Variants in KIF4A observed in about 807,000 individuals in gnomAD.
The protein encoded by KIF4A is kinesin family member 4A, also known as chromosome-associated kinesin KIF4A.
A neutral mutation model predicts 105.9 loss-of-function variants in KIF4A; 7 were observed. That is an observed-to-expected ratio of 0.07 (90% confidence interval 0.04 to 0.12). The LOEUF (loss-of-function observed/expected upper bound fraction) is 0.12, where lower values mean the gene tolerates loss of function less well. Among genes scored for constraint, KIF4A ranks in the 10% least tolerant of loss-of-function variants. KIF4A has a pLI of 1.00. For synonymous variants in KIF4A, 281 were observed against 331.3 expected (o/e 0.85, Z 1.65); for missense variants, 558 against 929.2 (o/e 0.60, Z 5.19).
Position 70,359,478 on chromosome X carries a change from C to T in KIF4A, c.1674+5671C>T, listed in dbSNP as rs781174651. Among the ~76,000 whole-genome samples, 5 of 104,516 alleles carry T rather than the reference C, an allele frequency of 4.8e-5. No homozygotes were observed. In the South Asian group the frequency reaches 1.3e-3, roughly 28 times the overall value. 90.8% of individuals were successfully genotyped at this position (104,516 alleles called of 115,157 possible). On this transcript the variant is annotated intron_variant, in intron 15 of 30. Coordinates refer to ENST00000374403, the MANE Select transcript of KIF4A (RefSeq NM_012310.5). ...CTCTTTCTTTCTTTCTTTCTTTAAC[C>T]GGAGAGGGGTATATTTATTTTCTCA...
chrX:70,362,342 C>T (rs2086079629), intron 15 of KIF4A: 2 of 293,409 alleles, frequency 6.8e-6, no homozygotes, highest in Admixed American at 6.7e-5. Context: ...GAGGGTAATT[C>T]TCCTTGGTGA....
At chrX:70,413,742 A>C (rs1376270374) in intron 28 of KIF4A, among the ~76,000 whole-genome samples, 1 of 110,917 alleles carries the variant, frequency 9.0e-6, no homozygotes, top group Non-Finnish European at 1.9e-5. Context: ...GGAGTTAAAG[A>C]CCAGGCTGGG....
chrX:70,362,363 G>A (rs2086079706), intron 15 of KIF4A: 2 of 267,309 alleles, frequency 7.5e-6, no homozygotes, highest in Non-Finnish European at 1.4e-5. Context: ...TCACCGGGAT[G>A]CATATCACCA....
chrX:70,397,247 G>A (rs1231136834), intron 22 of KIF4A, among the ~76,000 whole-genome samples: 36 of 110,715 alleles, frequency 3.3e-4, no homozygotes, highest in African/African-American at 1.1e-3. Context: ...GCACGCGCCT[G>A]TAGTCCCAGC....
At chrX:70,379,230 G>A (rs745387203) in intron 18 of KIF4A, among the ~76,000 whole-genome samples, 5 of 110,977 alleles carry the variant, frequency 4.5e-5, no homozygotes, top group African/African-American at 1.6e-4. Flanking sequence ...AGGAATGAAA[G>A]AGGGAATATC....
chrX:70,388,306 G>A (rs2086225492), intron 20 of KIF4A, among the ~76,000 whole-genome samples: 1 of 111,489 alleles, frequency 9.0e-6, no homozygotes, highest in Non-Finnish European at 1.9e-5. Flanking sequence ...TCTGTTGATG[G>A]ATACTTGAGT....
At chrX:70,294,684 A>G (rs1160295187) in intron 3 of KIF4A, among the ~76,000 whole-genome samples, 1 of 112,958 alleles carries the variant, frequency 8.9e-6, no homozygotes, top group Non-Finnish European at 1.9e-5. Flanking sequence ...AAGTAAGAAT[A>G]ACCTGTCTAT....
At chrX:70,352,527 A>G in intron 13 of KIF4A, 73 bp from the exon 14 acceptor site, 9 of 782,448 alleles carry the variant, frequency 1.2e-5, no homozygotes, top group East Asian at 3.2e-5. Context: ...AAAAAATTAA[A>G]TAACCAATAT....
chrX:70,370,469 G>T (rs1602780646), intron 15 of KIF4A, among the ~76,000 whole-genome samples: 1 of 106,256 alleles, frequency 9.4e-6, no homozygotes, highest in African/African-American at 3.4e-5. Flanking sequence ...GATAAATATA[G>T]AATATATGTA....
chrX:70,351,519 A>G (rs1366949283), intron 13 of KIF4A, among the ~76,000 whole-genome samples: 1 of 111,238 alleles, frequency 9.0e-6, no homozygotes, highest in Non-Finnish European at 1.9e-5. Flanking sequence ...GACTATTACT[A>G]TTCCAGTAGT....
At chrX:70,418,967 C>T (rs1305640846) in intron 29 of KIF4A, among the ~76,000 whole-genome samples, 1 of 110,752 alleles carries the variant, frequency 9.0e-6, no homozygotes, top group African/African-American at 3.3e-5. Flanking sequence ...TGCCTATAGT[C>T]CCAGCTACTC....
At chrX:70,402,469 C>G in intron 22 of KIF4A, 97 bp from the exon 23 acceptor site, 1 of 975,665 alleles carries the variant, frequency 1.0e-6, no homozygotes, top group Non-Finnish European at 1.4e-6. Flanking sequence ...ACTGATAGCT[C>G]CATCCATAAA....
intron 11 of KIF4A, among the ~76,000 whole-genome samples, chrX:70,342,737 G>A (rs191015925): frequency 9.8e-5 from 11 of 112,330 alleles, no homozygotes; most frequent in African/African-American, 3.6e-4. Flanking sequence ...AACGGAGGGT[G>A]AAAATGGGAT....
intron 28 of KIF4A, among the ~76,000 whole-genome samples, chrX:70,414,182 C>A (rs2086334077): frequency 9.0e-6 from 1 of 111,344 alleles, no homozygotes; most frequent in Non-Finnish European, 1.9e-5. Context: ...GACATTATCC[C>A]CATGAGGAAA....
intron 22 of KIF4A, among the ~76,000 whole-genome samples, chrX:70,400,970 T>C (rs1042994378): frequency 5.5e-5 from 6 of 109,022 alleles, no homozygotes; most frequent in African/African-American, 2.0e-4. Flanking sequence ...GGTTTCACCA[T>C]GTTGGCCAGG....
At chrX:70,316,327 T>C (rs1237495185) in intron 7 of KIF4A, among the ~76,000 whole-genome samples, 2 of 111,272 alleles carry the variant, frequency 1.8e-5, no homozygotes, top group Non-Finnish European at 3.8e-5. Context: ...TATTCCTGAT[T>C]AAATTACCTA....
At chrX:70,373,443 G>A (rs1281922427) in intron 15 of KIF4A, among the ~76,000 whole-genome samples, 2 of 86,989 alleles carry the variant, frequency 2.3e-5, no homozygotes, top group African/African-American at 4.0e-5. Context: ...TAGCACTTTG[G>A]GAGGCAGAGG....
At position 70,335,005 on chromosome X, in the gene KIF4A, A is replaced by G. The variant is rs539164344; in HGVS notation, c.1133+1316A>G. ...CATGGAGGTTCCTAAAAAAATTAAA[A>G]CTAGACTTACCATATGATCCAGCAA... is the stretch of plus-strand genomic sequence containing the variant. On this transcript the variant is annotated intron_variant, in intron 10 of 30. Transcript: ENST00000374403. Among the ~76,000 whole-genome samples, 5 of 111,898 alleles carry G rather than the reference A, an allele frequency of 4.5e-5. No individual in the cohort carries two copies. The South Asian group carries it at 1.9e-3, about 42-fold the overall frequency.
intron 28 of KIF4A, among the ~76,000 whole-genome samples, chrX:70,408,268 G>T: frequency 9.0e-6 from 1 of 111,194 alleles, no homozygotes; most frequent in Middle Eastern, 4.6e-3. Flanking sequence ...ACCAGAAGTT[G>T]AGTGGGTACT....
Sources: gnomAD v4.1 joint callset for allele counts (sites outside exome capture counted in the v4.1 genomes callset) on GRCh38, gnomAD v4.1.1 for gene constraint, MANE v1.5 for transcripts, NCBI Gene and HGNC (gene_info 2026-07-23, HGNC 2026-07-21) for gene names.